Variants in ADGRB3 observed in about 807,000 individuals in gnomAD.
ADGRB3 encodes adhesion G protein-coupled receptor B3.
ADGRB3 carries 37 observed loss-of-function variants against 193.4 expected under a neutral mutation model. That is an observed-to-expected ratio of 0.19 (90% confidence interval 0.15 to 0.25). ADGRB3 has a LOEUF of 0.25. ADGRB3 is among the 10% of genes least tolerant of loss of function. The pLI, the probability that ADGRB3 is intolerant of heterozygous loss-of-function variation, is 1.00. For synonymous variants in ADGRB3, 690 were observed against 644.2 expected (o/e 1.07, Z -1.08); for missense variants, 1,637 against 1,852.9 (o/e 0.88, Z 2.14).
intron 3 of ADGRB3, among the ~76,000 whole-genome samples, chr6:68,848,887 A>C (rs956281276): frequency 5.3e-5 from 8 of 152,046 alleles, no homozygotes; most frequent in Non-Finnish European, 1.2e-4. Context: ...GCATTCGTTG[A>C]ATTTTCCATT....
chr6:68,955,991 A>G (rs200080491), intron 6 of ADGRB3, 33 bp from the exon 7 acceptor site: 28 of 1,602,396 alleles, frequency 1.7e-5, no homozygotes, highest in Non-Finnish European at 2.3e-5. Context: ...ATTGGAAGAT[A>G]TCCTCATGCT....
At chr6:68,782,868 A>G (rs897327614) in intron 3 of ADGRB3, among the ~76,000 whole-genome samples, 2 of 151,878 alleles carry the variant, frequency 1.3e-5, no homozygotes, top group Non-Finnish European at 2.9e-5. Context: ...TAGATTCTGG[A>G]TATTAGCCCT....
At chr6:68,851,781 A>C (rs1025052202) in intron 3 of ADGRB3, among the ~76,000 whole-genome samples, 2 of 151,862 alleles carry the variant, frequency 1.3e-5, no homozygotes, top group African/African-American at 4.8e-5. Flanking sequence ...GATATTCTTT[A>C]AATATATTCC....
At chr6:69,093,107 G>A (rs1772763394) in intron 17 of ADGRB3, among the ~76,000 whole-genome samples, 1 of 151,446 alleles carries the variant, frequency 6.6e-6, no homozygotes, top group Non-Finnish European at 1.5e-5. Flanking sequence ...AGGAAGAGCG[G>A]GGTGGGCACC....
At chr6:69,079,652 T>C (rs1470352345) in intron 17 of ADGRB3, among the ~76,000 whole-genome samples, 1 of 152,010 alleles carries the variant, frequency 6.6e-6, no homozygotes, top group African/African-American at 2.4e-5. Context: ...TAAAGTGGCT[T>C]ACAAAGTTAT....
chr6:68,911,679 T>C (rs1052517491), intron 3 of ADGRB3, among the ~76,000 whole-genome samples: 1 of 152,214 alleles, frequency 6.6e-6, no homozygotes, highest in South Asian at 2.1e-4. Flanking sequence ...AATTTGGGCA[T>C]TTAACTCTAC....
At chr6:69,299,982 A>C (rs533641449) in intron 20 of ADGRB3, among the ~76,000 whole-genome samples, 1 of 151,812 alleles carries the variant, frequency 6.6e-6, no homozygotes, top group Non-Finnish European at 1.5e-5. Flanking sequence ...TTGTGTGGAC[A>C]TATTAACAAT....
intron 3 of ADGRB3, among the ~76,000 whole-genome samples, chr6:68,832,262 A>C (rs1000900252): frequency 2.6e-5 from 4 of 152,176 alleles, no homozygotes; most frequent in Non-Finnish European, 4.4e-5. Context: ...AATTCTTAAA[A>C]ATAAATGTGC....
chr6:69,062,701 C>T (rs746083602), intron 15 of ADGRB3, among the ~76,000 whole-genome samples: 1 of 151,902 alleles, frequency 6.6e-6, no homozygotes, highest in Non-Finnish European at 1.5e-5. Flanking sequence ...AGTGCTGTTG[C>T]TTTCTCATAT....
At chr6:68,788,799 G>T (rs912944495) in intron 3 of ADGRB3, among the ~76,000 whole-genome samples, 5 of 152,158 alleles carry the variant, frequency 3.3e-5, no homozygotes, top group Admixed American at 2.0e-4. Context: ...AAGTCTCTTT[G>T]TAGGTCACTA....
intron 17 of ADGRB3, among the ~76,000 whole-genome samples, chr6:69,223,652 CTTTTTTTTTTT>C (rs554027181): frequency 9.1e-6 from 1 of 110,390 alleles, no homozygotes; most frequent in African/African-American, 3.9e-5. Flanking sequence ...CTCTCTCTCT[CTTTTTTTTTTT>C]TTTTTTTTTT....
intron 20 of ADGRB3, among the ~76,000 whole-genome samples, chr6:69,261,259 G>A (rs1392411888): frequency 6.6e-6 from 1 of 152,136 alleles, no homozygotes; most frequent in East Asian, 1.9e-4. Context: ...AAGGTCTCAA[G>A]CTGTTAGAAC....
In ADGRB3 at chr6:69,349,559, C is replaced by T. The variant is rs143590029; in HGVS notation, c.3460-4674C>T. 9.4e-3 allele frequency among the ~76,000 whole-genome samples: 1,423 copies of T among 152,124 alleles called. 21 individuals carry two copies. The highest frequency in any genetic ancestry group is 0.033 in the African/African-American group (1,361 of 41,498). On this transcript the variant is annotated intron_variant, in intron 26 of 31. Transcript: ENST00000370598. ...TCATGTCAATTGTCATATCAACTAT[C>T]ATAATACATATGAAATTGAAAAGTC...
At position 69,068,107 on chromosome 6, in the gene ADGRB3, C is replaced by A. The variant is rs187207810; in HGVS notation, c.2436+5071C>A. Among the ~76,000 whole-genome samples the A allele has an allele frequency of 1.8e-4, 27 of 152,206 alleles. No individual in the cohort carries two copies. The East Asian group carries it at 3.7e-3, about 21-fold the overall frequency. On this transcript the variant is annotated intron_variant, in intron 16 of 31. Transcript: ENST00000370598. ...ATAAAAAGTAACTTACAACAGATGGCAGGTCAGATTTGGCTCATGGGCTAT... is the reference window on the plus strand; with the variant it reads ...ATAAAAAGTAACTTACAACAGATGGAAGGTCAGATTTGGCTCATGGGCTAT...
intron 16 of ADGRB3, among the ~76,000 whole-genome samples, chr6:69,063,851 A>C (rs550430688): frequency 6.6e-6 from 1 of 152,138 alleles, no homozygotes; most frequent in South Asian, 2.1e-4. Context: ...AGGAGCAAGG[A>C]AAGTGATCCC....
At chr6:68,972,887 A>G (rs1421642698) in intron 8 of ADGRB3, among the ~76,000 whole-genome samples, 1 of 152,096 alleles carries the variant, frequency 6.6e-6, no homozygotes, top group African/African-American at 2.4e-5. Flanking sequence ...AAGGTGAGAA[A>G]AGTCAAAATA....
chr6:69,139,929 C>A (rs1774278036), intron 17 of ADGRB3, among the ~76,000 whole-genome samples: 1 of 152,042 alleles, frequency 6.6e-6, no homozygotes, highest in Non-Finnish European at 1.5e-5. Flanking sequence ...TTAATAAGAC[C>A]TATAGAAATT....
At chr6:68,843,376 C>T (rs1167809792) in intron 3 of ADGRB3, among the ~76,000 whole-genome samples, 5 of 151,898 alleles carry the variant, frequency 3.3e-5, no homozygotes, top group Admixed American at 2.0e-4. Flanking sequence ...TTTCTATATG[C>T]CAACAACAAA....
intron 12 of ADGRB3, among the ~76,000 whole-genome samples, chr6:69,015,268 T>C (rs929461339): frequency 2.0e-5 from 3 of 152,020 alleles, no homozygotes; most frequent in African/African-American, 7.2e-5. Flanking sequence ...TCAGATGCTG[T>C]TATTTACTGT....
Sources: gnomAD v4.1 joint callset for allele counts (sites outside exome capture counted in the v4.1 genomes callset) on GRCh38, gnomAD v4.1.1 for gene constraint, MANE v1.5 for transcripts, NCBI Gene and HGNC (gene_info 2026-07-23, HGNC 2026-07-21) for gene names.